The following RPRD2 variants were observed in gnomAD, a reference collection of about 807,000 sequenced individuals.
The protein encoded by RPRD2 is regulation of nuclear pre-mRNA domain containing 2.
RPRD2 carries 12 observed loss-of-function variants against 104.4 expected under a neutral mutation model. That is an observed-to-expected ratio of 0.11 (90% CI 0.07 to 0.19). RPRD2 has a LOEUF of 0.19. RPRD2 is among the 10% of genes least tolerant of loss of function. The pLI is 1.00. For missense variants in RPRD2, 1,543 were observed against 1,790.1 expected, an observed-to-expected ratio of 0.86 and a Z score of 2.49; for synonymous variants, 714 against 684.9, an observed-to-expected ratio of 1.04 and a Z score of -0.66.
At chr1:150,407,621 G>A (rs782063691) in intron 1 of RPRD2, among the ~76,000 whole-genome samples, 9 of 152,204 alleles carry the variant, frequency 5.9e-5, no homozygotes, top group Admixed American at 1.3e-4. Flanking sequence ...GATTTTCTAC[G>A]TAGTTCAGTG....
intron 7 of RPRD2, 86 bp downstream of exon 7, chr1:150,446,487 G>A (rs1666779770): frequency 1.7e-6 from 2 of 1,173,772 alleles, no homozygotes; most frequent in African/African-American, 3.1e-5. Flanking sequence ...ACTCTGTTAG[G>A]ATATGCATTT....
chr1:150,472,609 A>G lies in RPRD2; in HGVS notation c.3661A>G (p.Lys1221Glu), dbSNP rs1668665482. The G allele has an allele frequency of 2.5e-6, 4 of 1,613,728 alleles. No individual in the cohort carries two copies. The highest frequency in any genetic ancestry group is 3.4e-6 in the Non-Finnish European group (4 of 1,179,792). ...GPSSAPPVPP[K>E]DHGGIFSRDA... ...ATCATCTGCCCCACCTGTCCCTCCTAAGGATCATGGTGGTATCTTCTCTCG... is the reference window on the plus strand; with the variant it reads ...ATCATCTGCCCCACCTGTCCCTCCTGAGGATCATGGTGGTATCTTCTCTCG... Residue 1221 changes from lysine (K) to glutamate (E), a missense_variant, in exon 11 of 11, where the codon AAG (lysine) becomes GAG (glutamate). Lys to Glu is a moderately conservative substitution (Grantham distance 56, BLOSUM62 1). Transcript: ENST00000369068.
intron 2 of RPRD2, among the ~76,000 whole-genome samples, chr1:150,439,617 T>A (rs1666272301): frequency 6.8e-6 from 1 of 147,342 alleles, no homozygotes; most frequent in Non-Finnish European, 1.5e-5. Context: ...AGGCCTTAAG[T>A]TTGACATAGC....
At chr1:150,466,139 G>A (rs1668255973) in intron 10 of RPRD2, among the ~76,000 whole-genome samples, 2 of 152,056 alleles carry the variant, frequency 1.3e-5, no homozygotes, top group African/African-American at 4.8e-5. Flanking sequence ...AGCACTTTGG[G>A]AGGCTGAGGC....
intron 1 of RPRD2, among the ~76,000 whole-genome samples, chr1:150,375,801 G>T (rs1660641401): frequency 6.6e-6 from 1 of 152,132 alleles, no homozygotes; most frequent in Non-Finnish European, 1.5e-5. Context: ...GAGAATTAAG[G>T]ATACATGAGG....
Position 150,472,090 on chromosome 1 carries a change from A to G in RPRD2, c.3142A>G (p.Ser1048Gly). 1.2e-6 allele frequency: 2 copies of G among 1,613,814 alleles called. No individual in the cohort carries two copies. Among genetic ancestry groups the G allele is most frequent in the Non-Finnish European group, 1.7e-6 (2 of 1,179,890 alleles). Residue 1048 changes from serine (S) to glycine (G), a missense_variant, in exon 11 of 11, where the codon AGC becomes GGC. Transcript: ENST00000369068. The stretch of plus-strand genomic sequence containing the variant: ...CAGTCTCTCAAACCTCACCCAACCC[A>G]GCTTGACCGCCACTGATCAGCAGCA... ...GVSLSNLTQP[S>G]LTATDQQQQE... is the part of the protein sequence containing the mutation.
chr1:150,369,623 A>ATTTTTTTTTTTTTTTTT (rs61016870), intron 1 of RPRD2, among the ~76,000 whole-genome samples: 37 of 68,862 alleles, frequency 5.4e-4, no homozygotes, highest in African/African-American at 1.5e-3. Flanking sequence ...CGCCCAGCTA[A>ATTTTTTTTTTTTTTTTT]TTTTTTTTTT....
At chr1:150,426,697 G>T (rs1236002839) in intron 2 of RPRD2, among the ~76,000 whole-genome samples, 1 of 152,190 alleles carries the variant, frequency 6.6e-6, no homozygotes, top group Non-Finnish European at 1.5e-5. Context: ...AATAGTGTTT[G>T]CCAGGGACTG....
chr1:150,377,899 G>A (rs1553879965), intron 1 of RPRD2, among the ~76,000 whole-genome samples: 1 of 152,080 alleles, frequency 6.6e-6, no homozygotes, highest in Non-Finnish European at 1.5e-5. Flanking sequence ...TATAAATTGA[G>A]TCTCAGAGAA....
chr1:150,472,406 G>T lies in RPRD2; in HGVS notation c.3458G>T (p.Gly1153Val), dbSNP rs1463918022. The T allele has an allele frequency of 6.2e-7, 1 of 1,613,960 alleles. No individual in the cohort carries two copies. Among genetic ancestry groups the T allele is most frequent in the South Asian group, 1.1e-5 (1 of 91,082 alleles). ...SSASELASLG[G>V]GGSGGLTGFK... ...GCCTCTGAGTTGGCATCCCTTGGGG[G>T]TGGGGGCAGCGGAGGCCTCACTGGC... The change falls in exon 11 of 11, where the codon GGT becomes GTT. Residue 1153 changes from glycine (G) to valine (V), a missense_variant. Around this residue, in one of 4 missense-constraint regions of RPRD2, gnomAD observed 880 missense variants for 885.6 expected, o/e 0.99. Coordinates refer to ENST00000369068, the MANE Select transcript of RPRD2 (RefSeq NM_015203.5).
intron 2 of RPRD2, among the ~76,000 whole-genome samples, chr1:150,431,739 C>A (rs953812712): frequency 1.8e-4 from 27 of 152,010 alleles, no homozygotes; most frequent in African/African-American, 6.3e-4. Flanking sequence ...TGTCAGCCTC[C>A]CAAAGTGCTG....
At chr1:150,419,372 T>TG (rs1463466832) in intron 2 of RPRD2, among the ~76,000 whole-genome samples, 1 of 152,188 alleles carries the variant, frequency 6.6e-6, no homozygotes, top group African/African-American at 2.4e-5. Flanking sequence ...TGTCAAATTA[T>TG]GGAATATATT....
chr1:150,393,454 CAAAAA>C (rs1203478537), intron 1 of RPRD2, among the ~76,000 whole-genome samples: 5 of 59,552 alleles, frequency 8.4e-5, no homozygotes, highest in African/African-American at 3.0e-4. Flanking sequence ...GACCCTGTCT[CAAAAA>C]AAAAAAAAAA....
At chr1:150,435,823 G>A (rs1481859133) in intron 2 of RPRD2, among the ~76,000 whole-genome samples, 2 of 152,230 alleles carry the variant, frequency 1.3e-5, no homozygotes, top group Non-Finnish European at 1.5e-5. Flanking sequence ...AGATTTTCAA[G>A]GTAGATGAAA....
chr1:150,399,058 A>G (rs1662767300), intron 1 of RPRD2, among the ~76,000 whole-genome samples: 2 of 152,120 alleles, frequency 1.3e-5, no homozygotes, highest in African/African-American at 4.8e-5. Flanking sequence ...GCTGGAGTGC[A>G]GTGGTGCCAT....
rs587678301 is a variant in RPRD2, at chr1:150,434,582, G to A, written c.336-6341G>A. Among the ~76,000 whole-genome samples the A allele has an allele frequency of 5.3e-5, 8 of 152,124 alleles. No individual in the cohort carries two copies. In the South Asian group the frequency reaches 1.5e-3, roughly 28 times the overall value. ...TGTAATCCCAACACTTTGGGAGGCC[G>A]AGGCGGGTGGATCATTTGAGGTCAG... On this transcript the variant is annotated intron_variant, in intron 2 of 10. Transcript: ENST00000369068.
chr1:150,464,135 G>A (rs910009548), intron 9 of RPRD2, among the ~76,000 whole-genome samples: 2 of 151,650 alleles, frequency 1.3e-5, no homozygotes, highest in African/African-American at 2.4e-5. Context: ...TCAGCCTCCC[G>A]AGTAGCTGGG....
chr1:150,422,625 G>A (rs1664848369), intron 2 of RPRD2, among the ~76,000 whole-genome samples: 1 of 152,014 alleles, frequency 6.6e-6, no homozygotes, highest in Non-Finnish European at 1.5e-5. Flanking sequence ...AACATATGCT[G>A]CCAAACTTTT....
At chr1:150,420,353 C>T (rs1553889420) in intron 2 of RPRD2, among the ~76,000 whole-genome samples, 3 of 152,014 alleles carry the variant, frequency 2.0e-5, no homozygotes, top group Non-Finnish European at 4.4e-5. Context: ...GAATAAAGTA[C>T]AGTTCTTAAG....
Sources: gnomAD v4.1 joint callset for allele counts (sites outside exome capture counted in the v4.1 genomes callset) on GRCh38, gnomAD v4.1.1 for gene constraint, gnomAD v4.1.1 regional missense constraint, MANE v1.5 for transcripts, NCBI Gene and HGNC (gene_info 2026-07-23, HGNC 2026-07-21) for gene names.